Variants in USP40 observed in about 807,000 individuals in gnomAD.
The protein encoded by USP40 is ubiquitin specific peptidase 40.
USP40 carries 143 observed loss-of-function variants against 166.2 expected under a neutral mutation model. The ratio of observed to expected loss-of-function variants is 0.86; its 90% CI spans 0.75 to 0.99. The LOEUF (loss-of-function observed/expected upper bound fraction) is 0.99. Ranked by LOEUF, USP40 falls within the 50% of genes least tolerant of loss-of-function variation. USP40 has a pLI of 0.00. For synonymous variants in USP40, 498 were observed against 524.0 expected, an observed-to-expected ratio of 0.95 and a Z score of 0.68; for missense variants, 1,444 against 1,479.7, an observed-to-expected ratio of 0.98 and a Z score of 0.40.
chr2:233,527,556 T>G lies in USP40; in HGVS notation c.1576A>C (p.Asn526His). 1.2e-6 allele frequency: 2 copies of G among 1,610,618 alleles called. No homozygotes were observed. The highest frequency in any genetic ancestry group is 1.1e-5 in the South Asian group (1 of 90,078). Residue 526 changes from asparagine (N) to histidine (H), a missense_variant, in exon 13 of 32, where the codon AAT becomes CAT. Coordinates refer to ENST00000678225, the MANE Select transcript of USP40 (RefSeq NM_001365479.2). ...TKRAECDSANNTFELHLHLGP... is the reference protein window; with the variant it reads ...TKRAECDSANHTFELHLHLGP... ...AGGTGAAGATGCAATTCAAAAGTATTGTTTGCAGAATCACATTCTGCCCTT... is the reference window on the plus strand; with the variant it reads ...AGGTGAAGATGCAATTCAAAAGTATGGTTTGCAGAATCACATTCTGCCCTT...
intron 25 of USP40, among the ~76,000 whole-genome samples, chr2:233,492,281 G>T (rs2065396355): frequency 6.6e-6 from 1 of 152,202 alleles, no homozygotes; most frequent in African/African-American, 2.4e-5. Flanking sequence ...TAGGTGTGTA[G>T]GAGGCTCTAC....
chr2:233,560,868 G>T, intron 3 of USP40: 1 of 580,770 alleles, frequency 1.7e-6, no homozygotes, highest in South Asian at 2.5e-5. Flanking sequence ...ACTTCTGGGG[G>T]AAGCTAATGT....
chr2:233,497,527 GA>G (rs919072729), intron 23 of USP40, among the ~76,000 whole-genome samples: 8 of 152,202 alleles, frequency 5.3e-5, no homozygotes, highest in African/African-American at 1.9e-4. Context: ...GAGGAAACAT[GA>G]AGAATGAAAG....
At chr2:233,509,357 T>C (rs1336188378) in intron 21 of USP40, among the ~76,000 whole-genome samples, 2 of 152,170 alleles carry the variant, frequency 1.3e-5, no homozygotes, top group Non-Finnish European at 2.9e-5. Flanking sequence ...TACACACATA[T>C]ATACAAACAT....
At chr2:233,509,178 GA>G (rs1192322806) in intron 21 of USP40, among the ~76,000 whole-genome samples, 4 of 151,892 alleles carry the variant, frequency 2.6e-5, no homozygotes, top group Non-Finnish European at 5.9e-5. Flanking sequence ...GACAGAGCTG[GA>G]AAAAAAATTT....
Position 233,489,014 on chromosome 2 carries a change from C to T in USP40, c.3131+351G>A, listed in dbSNP as rs183814658. Among the ~76,000 whole-genome samples the T allele has an allele frequency of 3.2e-3, 492 of 152,304 alleles. 2 individuals are homozygous for T. Among genetic ancestry groups the T allele is most frequent in the Middle Eastern group, 0.01 (3 of 294 alleles). On this transcript the variant is annotated intron_variant, in intron 27 of 31. Coordinates refer to ENST00000678225, the MANE Select transcript of USP40 (RefSeq NM_001365479.2). ...CTTTTTGCAAAGGAAATGACCCAAA[C>T]CTGCTCTTTAAGTTCAAAGTTTCAG...
At chr2:233,496,431 G>A (rs935446327) in intron 24 of USP40, among the ~76,000 whole-genome samples, 5 of 152,014 alleles carry the variant, frequency 3.3e-5, no homozygotes, top group African/African-American at 1.2e-4. Context: ...TTAAAAACAC[G>A]GTAAGTTTCC....
At chr2:233,562,673 A>T (rs2071752920) in intron 3 of USP40, 63 bp downstream of exon 3, 7 of 1,238,100 alleles carry the variant, frequency 5.7e-6, no homozygotes, top group South Asian at 1.6e-5. Context: ...TATGTAACTA[A>T]CCTGCACATT....
intron 11 of USP40, among the ~76,000 whole-genome samples, chr2:233,530,011 G>T (rs1008803464): frequency 1.3e-5 from 2 of 151,118 alleles, no homozygotes; most frequent in Admixed American, 1.3e-4. Context: ...TGTTGCCCAG[G>T]CTGGTTTTGA....
intron 25 of USP40, chr2:233,492,548 G>C (rs1325002288): frequency 6.6e-6 from 1 of 152,128 alleles, no homozygotes; most frequent in East Asian, 1.9e-4. Flanking sequence ...TTTAGCATTA[G>C]TTAACATGAA....
intron 27 of USP40, among the ~76,000 whole-genome samples, chr2:233,489,026 G>T (rs1170795532): frequency 1.3e-5 from 2 of 152,184 alleles, no homozygotes; most frequent in African/African-American, 4.8e-5. Flanking sequence ...TGCTCTTTAA[G>T]TTCAAAGTTT....
Position 233,477,480 on chromosome 2 carries a change from C to T in USP40, c.3623G>A (p.Ser1208Asn), listed in dbSNP as rs1309541667. 6.2e-6 allele frequency: 10 copies of T among 1,613,596 alleles called. No individual in the cohort carries two copies. Among genetic ancestry groups the T allele is most frequent in the Non-Finnish European group, 8.5e-7 (1 of 1,179,854 alleles). Residue 1208 changes from serine to asparagine, a missense_variant, in exon 32 of 32, where the codon AGC becomes AAC. Physicochemically the swap from Ser to Asn is conservative, Grantham distance 46. Coordinates refer to ENST00000678225, the MANE Select transcript of USP40 (RefSeq NM_001365479.2). ...RKSQEALHEQ[S>N]SYILSSAETP... The stretch of plus-strand genomic sequence containing the variant: ...CTCTGCACTGGAGAGGATGTAGCTG[C>T]TCTGCTCATGGAGGGCTTCTTGGCT...
chr2:233,500,299 G>A (rs1055729828), intron 21 of USP40, among the ~76,000 whole-genome samples: 13 of 152,148 alleles, frequency 8.5e-5, no homozygotes, highest in African/African-American at 2.9e-4. Context: ...GAGATTGATA[G>A]CATTTGGGGA....
At chr2:233,560,932 G>A in intron 3 of USP40, 1 of 685,208 alleles carries the variant, frequency 1.5e-6, no homozygotes, top group Non-Finnish European at 2.7e-6. Flanking sequence ...ATAGTAAAGA[G>A]TGTTACATGT....
At chr2:233,542,662 A>G (rs992449464) in intron 8 of USP40, 1 of 225,520 alleles carries the variant, frequency 4.4e-6, no homozygotes, top group African/African-American at 2.3e-5. Context: ...TGGATGACAC[A>G]GAGCAAGACG....
intron 23 of USP40, among the ~76,000 whole-genome samples, chr2:233,497,064 TGA>T (rs1245048172): frequency 6.6e-6 from 1 of 152,136 alleles, no homozygotes; most frequent in Non-Finnish European, 1.5e-5. Context: ...GGGAGTTAGA[TGA>T]GATGAGAAAT....
At chr2:233,483,665 T>C (rs929327946) in intron 30 of USP40, among the ~76,000 whole-genome samples, 12 of 152,168 alleles carry the variant, frequency 7.9e-5, no homozygotes, top group Non-Finnish European at 1.8e-4. Context: ...AAGTCAAGCA[T>C]ACCTAATCCA....
intron 3 of USP40, 33 bp downstream of exon 3, chr2:233,562,703 C>G: frequency 7.1e-7 from 1 of 1,418,248 alleles, no homozygotes; most frequent in Non-Finnish European, 9.3e-7. Flanking sequence ...TACCCTAAAA[C>G]TTAAAGTATA....
At chr2:233,507,555 A>C (rs939753155) in intron 21 of USP40, among the ~76,000 whole-genome samples, 5 of 152,116 alleles carry the variant, frequency 3.3e-5, no homozygotes, top group Admixed American at 1.3e-4. Flanking sequence ...CATCATGTTA[A>C]GTGAACGAAG....
Sources: allele counts gnomAD v4.1 joint callset (sites outside exome capture counted in the v4.1 genomes callset), GRCh38; gene constraint gnomAD v4.1.1; transcripts MANE v1.5; gene names NCBI Gene and HGNC (gene_info 2026-07-23, HGNC 2026-07-21).